PPP2R5A: variants seen among roughly 807,000 people sequenced by gnomAD.
The protein encoded by PPP2R5A is serine/threonine-protein phosphatase 2A 56 kDa regulatory subunit alpha isoform.
PPP2R5A carries 25 observed loss-of-function variants against 64.2 expected under a neutral mutation model. The observed-to-expected ratio is 0.39, with a 90% CI of 0.28 to 0.54. The LOEUF is 0.54. Among genes scored for constraint, PPP2R5A ranks in the 20% least tolerant of loss-of-function variants. The pLI, the probability that PPP2R5A is intolerant of heterozygous loss-of-function variation, is 0.67. For synonymous variants in PPP2R5A, 198 were observed against 201.2 expected, an observed-to-expected ratio of 0.98 and a Z score of 0.13; for missense variants, 425 against 576.3, an observed-to-expected ratio of 0.74 and a Z score of 2.69.
intron 1 of PPP2R5A, among the ~76,000 whole-genome samples, chr1:212,293,434 A>C (rs1658638293): frequency 6.6e-6 from 1 of 152,210 alleles, no homozygotes; most frequent in Non-Finnish European, 1.5e-5. Flanking sequence ...AATATATAAT[A>C]CTTTTAGTGT....
Position 212,361,767 on chromosome 1 carries a change from T to G in PPP2R5A, c.*997T>G, listed in dbSNP as rs1412602236. On this transcript the variant is annotated 3_prime_UTR_variant, in exon 13 of 13. Coordinates refer to ENST00000261461, the MANE Select transcript of PPP2R5A (RefSeq NM_006243.4). ...GTTATCAGAGTACCATTCCAATCTCTTAACTTGCAGTTGTGTGGAAAACTG... is the reference window on the plus strand; with the variant it reads ...GTTATCAGAGTACCATTCCAATCTCGTAACTTGCAGTTGTGTGGAAAACTG... 1 of 152,696 alleles carries G rather than the reference T, an allele frequency of 6.5e-6. No individual in the cohort carries two copies. The highest frequency in any genetic ancestry group is 2.4e-5 in the African/African-American group (1 of 41,466). 9.5% of individuals were successfully genotyped at this position (152,696 alleles called of 1,614,324 possible).
At chr1:212,358,987 G>A (rs1253805710) in intron 12 of PPP2R5A, among the ~76,000 whole-genome samples, 200 bp downstream of exon 12, 2 of 152,052 alleles carry the variant, frequency 1.3e-5, no homozygotes, top group African/African-American at 2.4e-5. Context: ...TTATAAATTT[G>A]TTAAAGCAGA....
intron 1 of PPP2R5A, chr1:212,309,065 T>C: frequency 1.3e-6 from 1 of 790,594 alleles, no homozygotes; most frequent in Non-Finnish European, 2.3e-6. Flanking sequence ...ATCTCGATTT[T>C]GTTGGCAACA....
intron 1 of PPP2R5A, among the ~76,000 whole-genome samples, chr1:212,320,883 C>T (rs1659268189): frequency 2.2e-5 from 3 of 137,360 alleles, no homozygotes; most frequent in South Asian, 2.4e-4. Context: ...CCAGTAGGGG[C>T]GGCCAGGTAG....
intron 3 of PPP2R5A, among the ~76,000 whole-genome samples, chr1:212,339,793 TTA>T (rs1659655635): frequency 6.6e-6 from 1 of 152,078 alleles, no homozygotes; most frequent in Non-Finnish European, 1.5e-5. Context: ...CTATTAAGCC[TTA>T]AACCCTATAT....
At chr1:212,288,240 T>C (rs1054380368) in intron 1 of PPP2R5A, among the ~76,000 whole-genome samples, 1 of 152,156 alleles carries the variant, frequency 6.6e-6, no homozygotes, top group African/African-American at 2.4e-5. Flanking sequence ...GGTCTCCAAC[T>C]CCTGACCTCA....
chr1:212,334,800 T>C (rs1659563093), intron 3 of PPP2R5A, among the ~76,000 whole-genome samples: 2 of 152,202 alleles, frequency 1.3e-5, no homozygotes, highest in Admixed American at 6.5e-5. Flanking sequence ...GTCGTTTTTC[T>C]TTTGCTGCTA....
chr1:212,345,735 G>A (rs1291070840), intron 4 of PPP2R5A, 68 bp from the exon 5 acceptor site: 4 of 1,505,550 alleles, frequency 2.7e-6, no homozygotes, highest in Non-Finnish European at 3.6e-6. Flanking sequence ...TAATCTTTAA[G>A]ATCAAAATTA....
intron 1 of PPP2R5A, chr1:212,302,211 CA>C (rs2102415040): frequency 2.2e-6 from 2 of 890,548 alleles, no homozygotes; most frequent in East Asian, 2.8e-5. Context: ...AACCACATTA[CA>C]GGGGAAAACT....
At chr1:212,317,917 C>CAG (rs1659189187) in intron 1 of PPP2R5A, among the ~76,000 whole-genome samples, 1 of 149,000 alleles carries the variant, frequency 6.7e-6, no homozygotes, top group Admixed American at 6.7e-5. Flanking sequence ...ACCTGGGAGG[C>CAG]AGAGGTTGCA....
chr1:212,310,531 C>T (rs181365760), intron 1 of PPP2R5A, among the ~76,000 whole-genome samples: 4 of 152,228 alleles, frequency 2.6e-5, no homozygotes, highest in Admixed American at 1.3e-4. Flanking sequence ...TCTCTGGAGT[C>T]GGGGCTCAGA....
At chr1:212,296,053 A>T (rs1431755668) in intron 1 of PPP2R5A, among the ~76,000 whole-genome samples, 2 of 152,114 alleles carry the variant, frequency 1.3e-5, no homozygotes, top group African/African-American at 2.4e-5. Context: ...GTAGCCCAAG[A>T]TGGAGAGAAG....
At chr1:212,296,067 A>G (rs1416151898) in intron 1 of PPP2R5A, among the ~76,000 whole-genome samples, 1 of 152,022 alleles carries the variant, frequency 6.6e-6, no homozygotes, top group Non-Finnish European at 1.5e-5. Flanking sequence ...AGAGAAGAAG[A>G]TGCATTTGAG....
At chr1:212,310,924 G>T (rs146875432) in intron 1 of PPP2R5A, among the ~76,000 whole-genome samples, 166 of 152,312 alleles carry the variant, frequency 1.1e-3, no homozygotes, top group Non-Finnish European at 2.0e-3. Context: ...GTTCTCCTCT[G>T]CGTCTCTTTG....
At chr1:212,322,795 C>A (rs867709182) in intron 1 of PPP2R5A, among the ~76,000 whole-genome samples, 139 of 75,296 alleles carry the variant, frequency 1.8e-3, no homozygotes, top group African/African-American at 2.8e-3. Context: ...TTATTTATTT[C>A]ATTCTTTTGA....
chr1:212,301,816 G>A (rs1471206181), intron 1 of PPP2R5A: 1 of 1,211,424 alleles, frequency 8.3e-7, no homozygotes, highest in Non-Finnish European at 1.0e-6. Context: ...ATGATACAGT[G>A]CTTGTTCTAT....
At chr1:212,312,979 A>G (rs1659066914) in intron 1 of PPP2R5A, among the ~76,000 whole-genome samples, 1 of 152,216 alleles carries the variant, frequency 6.6e-6, no homozygotes, top group Non-Finnish European at 1.5e-5. Context: ...CTTCAACATA[A>G]ATAGAGAAAA....
intron 1 of PPP2R5A, among the ~76,000 whole-genome samples, chr1:212,295,161 T>C (rs931763962): frequency 1.3e-5 from 2 of 152,144 alleles, no homozygotes; most frequent in African/African-American, 4.8e-5. Flanking sequence ...ATGAAGAACG[T>C]ATTGGGAAAT....
intron 1 of PPP2R5A, among the ~76,000 whole-genome samples, chr1:212,295,046 G>A (rs561796246): frequency 1.8e-4 from 28 of 152,190 alleles, no homozygotes; most frequent in Non-Finnish European, 3.7e-4. Context: ...GGTATATTCT[G>A]TATCACTAGA....
Sources: gnomAD v4.1 joint callset for allele counts (sites outside exome capture counted in the v4.1 genomes callset) on GRCh38, gnomAD v4.1.1 for gene constraint, MANE v1.5 for transcripts, NCBI Gene and HGNC (gene_info 2026-07-23, HGNC 2026-07-21) for gene names.